The following RBMS2 variants were observed in gnomAD, a reference collection of about 807,000 sequenced individuals.
RBMS2 encodes the protein RNA binding motif single stranded interacting protein 2.
In RBMS2, 38 loss-of-function variants were observed where a neutral mutation model predicts 58.4. The observed-to-expected ratio is 0.65, with a 90% confidence interval of 0.50 to 0.85. RBMS2 has a LOEUF of 0.85. Ranked by LOEUF, RBMS2 falls within the 40% of genes least tolerant of loss-of-function variation. The probability of loss-of-function intolerance (pLI) is 0.00; values close to 1 mark genes in which losing one functional copy is unlikely to be tolerated. For synonymous variants in RBMS2, 151 were observed against 180.7 expected, an observed-to-expected ratio of 0.84 and a Z score of 1.32; for missense variants, 367 against 503.7, an observed-to-expected ratio of 0.73 and a Z score of 2.60.
rs371774272 is a variant in RBMS2 at position 56,563,106 on chromosome 12, G to T, written c.233+523G>T. ...CCACTGCACTCCAGCCTGGGCAATAGAGTGAGATTCCATCTCAAAAAAATA... is the reference window on the plus strand; with the variant it reads ...CCACTGCACTCCAGCCTGGGCAATATAGTGAGATTCCATCTCAAAAAAATA... On this transcript the variant is annotated intron_variant, in intron 2 of 13. Coordinates refer to ENST00000262031, the MANE Select transcript of RBMS2 (RefSeq NM_002898.4). 1.6e-4 allele frequency among the ~76,000 whole-genome samples: 25 copies of T among 152,222 alleles called. No individual in the cohort carries two copies. In the South Asian group the frequency reaches 5.2e-3, roughly 32 times the overall value.
intron 1 of RBMS2, among the ~76,000 whole-genome samples, chr12:56,553,069 C>G (rs910476257): frequency 6.0e-5 from 9 of 150,646 alleles, no homozygotes; most frequent in African/African-American, 1.9e-4. Context: ...GCTGGGATTA[C>G]AGGCGCCCAG....
chr12:56,575,632 C>T (rs529685696), intron 5 of RBMS2, among the ~76,000 whole-genome samples: 5 of 151,612 alleles, frequency 3.3e-5, no homozygotes, highest in African/African-American at 4.9e-5. Context: ...TGGTGGCTCA[C>T]GCCTGTAATC....
At chr12:56,552,021 G>C (rs1052759353) in intron 1 of RBMS2, among the ~76,000 whole-genome samples, 1 of 152,240 alleles carries the variant, frequency 6.6e-6, no homozygotes, top group Non-Finnish European at 1.5e-5. Flanking sequence ...CCAGGAGGTA[G>C]AGGTTGCAGT....
rs530648767 is a variant in RBMS2 at position 56,591,125 on chromosome 12, G to T, written c.*1992G>T. 6.6e-6 allele frequency: 1 copy of T among 152,292 alleles called. No homozygotes were observed. Among genetic ancestry groups the T allele is most frequent in the East Asian group, 1.9e-4 (1 of 5,184 alleles). The allele number at this position is 152,292 out of a possible 1,614,324, so 9.4% of individuals were successfully genotyped here. On this transcript the variant is annotated 3_prime_UTR_variant, in exon 14 of 14. Coordinates refer to ENST00000262031, the MANE Select transcript of RBMS2 (RefSeq NM_002898.4). ...GTCACTCCCTTATGCACTGAAAGGA[G>T]AATTTGACTCCCTTGCACTTCAAGG...
At chr12:56,543,427 G>A (rs1876521098) in intron 1 of RBMS2, among the ~76,000 whole-genome samples, 1 of 151,634 alleles carries the variant, frequency 6.6e-6, no homozygotes, top group South Asian at 2.1e-4. Context: ...AGAGATTGCT[G>A]TGAGCTGGGA....
At chr12:56,587,709 G>C in intron 11 of RBMS2, 45 bp downstream of exon 11, 1 of 1,585,444 alleles carries the variant, frequency 6.3e-7, no homozygotes, top group Non-Finnish European at 8.6e-7. Flanking sequence ...ACTGAGCAAG[G>C]CATACCTGTG....
chr12:56,520,906 T>TA (rs1871658065), upstream of RBMS2, among the ~76,000 whole-genome samples: 1 of 152,150 alleles, frequency 6.6e-6, no homozygotes, highest in South Asian at 2.1e-4. Context: ...CTGCAATTGT[T>TA]AGAGAAATAA....
At chr12:56,584,229 C>T (rs921856449) in intron 9 of RBMS2, among the ~76,000 whole-genome samples, 2 of 151,266 alleles carry the variant, frequency 1.3e-5, no homozygotes, top group Non-Finnish European at 2.9e-5. Flanking sequence ...CTCAGGAGTT[C>T]GAGACCAGCC....
At chr12:56,582,737 C>T (rs1192424525) in intron 9 of RBMS2, among the ~76,000 whole-genome samples, 1 of 152,190 alleles carries the variant, frequency 6.6e-6, no homozygotes, top group African/African-American at 2.4e-5. Flanking sequence ...GGTGCAATCT[C>T]GGCTCACTGC....
At chr12:56,583,229 T>A (rs1165272703) in intron 9 of RBMS2, among the ~76,000 whole-genome samples, 2 of 152,226 alleles carry the variant, frequency 1.3e-5, no homozygotes, top group South Asian at 4.1e-4. Context: ...GGTTGAATGC[T>A]ATATGGATTT....
chr12:56,586,099 C>T (rs1257468164), intron 9 of RBMS2, among the ~76,000 whole-genome samples: 2 of 151,842 alleles, frequency 1.3e-5, no homozygotes, highest in Non-Finnish European at 2.9e-5. Context: ...GAGGCTGAGG[C>T]GGGCATATCA....
Position 56,590,089 on chromosome 12 carries a change from T to C in RBMS2, c.*956T>C, listed in dbSNP as rs2136624510. On this transcript the variant is annotated 3_prime_UTR_variant, in exon 14 of 14. Coordinates refer to ENST00000262031, the MANE Select transcript of RBMS2 (RefSeq NM_002898.4). ...TCTTCCCTGGCAAGTTCCGGAAGAA[T>C]GGACTTACTGACTTTTATCAACTCT... The C allele has an allele frequency of 6.6e-6, 1 of 152,392 alleles. No homozygotes were observed. The highest frequency in any genetic ancestry group is 2.1e-4 in the South Asian group (1 of 4,832). The allele number at this position is 152,392 out of a possible 1,614,324, so 9.4% of individuals were successfully genotyped here. A position where few individuals can be genotyped will look rare whatever the true frequency, so the allele number is the denominator to read the frequency against.
intron 1 of RBMS2, among the ~76,000 whole-genome samples, chr12:56,559,420 TCG>T (rs1879936789): frequency 1.3e-5 from 2 of 151,028 alleles, no homozygotes; most frequent in African/African-American, 4.9e-5. Context: ...TCTCCTGACC[TCG>T]TGATCTCCCC....
At position 56,582,218 on chromosome 12, in the gene RBMS2, T is replaced by C. The variant is rs1884063073; in HGVS notation, c.873+66T>C. ...CTACTGTGCTTTAAGTGAAGTAATATAAGGCTAGGAACTACTTGTTTTTTG... is the reference window on the plus strand; with the variant it reads ...CTACTGTGCTTTAAGTGAAGTAATACAAGGCTAGGAACTACTTGTTTTTTG... On this transcript the variant is annotated intron_variant, in intron 9 of 13. Transcript: ENST00000262031. 4.4e-6 allele frequency: 6 copies of C among 1,377,654 alleles called. No individual in the cohort carries two copies. The South Asian group carries it at 7.6e-5, about 17-fold the overall frequency. The allele number at this position is 1,377,654 out of a possible 1,614,324, so 85.3% of individuals were successfully genotyped here. A position where few individuals can be genotyped will look rare whatever the true frequency, so the allele number is the denominator to read the frequency against.
At chr12:56,521,687 A>G (rs942285616), upstream of RBMS2, among the ~76,000 whole-genome samples, 1 of 151,218 alleles carries the variant, frequency 6.6e-6, no homozygotes, top group Non-Finnish European at 1.5e-5. Context: ...AGACCTAAGA[A>G]CTCTTCTTTC....
At chr12:56,581,745 C>A in intron 7 of RBMS2, 88 bp from the exon 8 acceptor site, 1 of 1,497,818 alleles carries the variant, frequency 6.7e-7, no homozygotes, top group South Asian at 1.2e-5. Context: ...TTTGTTAAAC[C>A]AAAACATTCC....
At chr12:56,573,815 G>A (rs1352299482) in intron 5 of RBMS2, among the ~76,000 whole-genome samples, 2 of 148,150 alleles carry the variant, frequency 1.3e-5, no homozygotes, top group Non-Finnish European at 3.0e-5. Flanking sequence ...GTACCACCAC[G>A]CCTGGCTAAT....
chr12:56,571,312 C>A (rs753766387), intron 4 of RBMS2, among the ~76,000 whole-genome samples: 3 of 152,120 alleles, frequency 2.0e-5, no homozygotes, highest in African/African-American at 7.2e-5. Context: ...GAGGATTCTG[C>A]GTGGCTGGAA....
At position 56,582,114 on chromosome 12, in the gene RBMS2, C is replaced by T. The variant is rs1179485357; in HGVS notation, c.835C>T (p.Leu279Phe). Residue 279 changes from leucine to phenylalanine, a missense_variant, in exon 9 of 14, where the codon CTC becomes TTC. By Grantham distance (22) the Leu-to-Phe change is conservative (BLOSUM62 0). Transcript: ENST00000262031. ...CAACAGGATGCTTGCTCAGTCTGCA[C>T]TCTCCCCATACCTTTCCTCTCCTGT... ...TPNRMLAQSA[L>F]SPYLSSPVSS... The T allele has an allele frequency of 6.2e-7, 1 of 1,613,228 alleles. No homozygotes were observed.
Sources: allele counts gnomAD v4.1 joint callset (sites outside exome capture counted in the v4.1 genomes callset), GRCh38; gene constraint gnomAD v4.1.1; transcripts MANE v1.5; gene names NCBI Gene and HGNC (gene_info 2026-07-23, HGNC 2026-07-21).